Variants in DUSP22 observed in about 807,000 individuals in gnomAD.
DUSP22 encodes the protein dual specificity protein phosphatase 22.
In DUSP22, 24 loss-of-function variants were observed where a neutral mutation model predicts 24.5. That is an observed-to-expected ratio of 0.98 (90% CI 0.71 to 1.38). The LOEUF (loss-of-function observed/expected upper bound fraction) is 1.38, where lower values mean the gene tolerates loss of function less well. DUSP22 is among the 40% of genes most tolerant of loss of function. The probability of loss-of-function intolerance (pLI) is 0.00; values close to 1 mark genes in which losing one functional copy is unlikely to be tolerated. For synonymous variants in DUSP22, 160 were observed against 106.4 expected (o/e 1.50, Z -3.10); for missense variants, 330 against 269.2 (o/e 1.23, Z -1.58).
intron 1 of DUSP22, among the ~76,000 whole-genome samples, chr6:298,622 C>T (rs925413756): frequency 2.6e-5 from 4 of 152,308 alleles, no homozygotes; most frequent in East Asian, 1.9e-4. Flanking sequence ...CAGGAGGAAC[C>T]ATCAAGCGTG....
At chr6:334,878 G>T (rs188106828) in intron 3 of DUSP22, among the ~76,000 whole-genome samples, 1 of 152,302 alleles carries the variant, frequency 6.6e-6, no homozygotes. Flanking sequence ...TTTGAATTTT[G>T]CCTAAACCTA....
chr6:296,029 T>A (rs1757313473), intron 1 of DUSP22, among the ~76,000 whole-genome samples: 1 of 136,588 alleles, frequency 7.3e-6, no homozygotes, highest in South Asian at 2.2e-4. Flanking sequence ...TGAGCTGAGA[T>A]GCTAATTCAT....
In DUSP22 at chr6:314,318, G is replaced by T. The variant is rs139906172; in HGVS notation, c.138+2356G>T. Among the ~76,000 whole-genome samples, 502 of 152,250 alleles carry T rather than the reference G, an allele frequency of 3.3e-3. 1 individual carries two copies. Among genetic ancestry groups the T allele is most frequent in the Middle Eastern group, 6.9e-3 (2 of 290 alleles). On this transcript the variant is annotated intron_variant, in intron 3 of 6. Transcript: ENST00000419235. ...GCTTCTCTGGGCAGCCCCAGGCTGG[G>T]GCTTGGTAGGAAGTGGGAAGGTAGC...
At chr6:304,431 G>A (rs1451844915) in intron 1 of DUSP22, among the ~76,000 whole-genome samples, 197 bp from the exon 2 acceptor site, 1 of 152,304 alleles carries the variant, frequency 6.6e-6, no homozygotes, top group African/African-American at 2.4e-5. Context: ...CCTAAACCCA[G>A]CGAGTCGATG....
At chr6:334,127 G>A (rs1394716364) in intron 3 of DUSP22, among the ~76,000 whole-genome samples, 1 of 152,308 alleles carries the variant, frequency 6.6e-6, no homozygotes, top group Non-Finnish European at 1.5e-5. Flanking sequence ...AGAACCTGAG[G>A]TTGTCTGTGT....
chr6:295,364 C>A (rs557582804), intron 1 of DUSP22, among the ~76,000 whole-genome samples: 1 of 152,284 alleles, frequency 6.6e-6, no homozygotes, highest in Non-Finnish European at 1.5e-5. Context: ...CTTGTCGGTC[C>A]GTTCCGGGCT....
At chr6:308,293 C>G (rs1390725133) in intron 2 of DUSP22, among the ~76,000 whole-genome samples, 1 of 152,308 alleles carries the variant, frequency 6.6e-6, no homozygotes, top group Non-Finnish European at 1.5e-5. Flanking sequence ...GGAAACTCCA[C>G]CTTGAGCCTT....
At chr6:347,118 G>A (rs866497795) in intron 5 of DUSP22, among the ~76,000 whole-genome samples, 10 of 152,410 alleles carry the variant, frequency 6.6e-5, no homozygotes, top group East Asian at 5.8e-4. Flanking sequence ...CAATTAAAGC[G>A]GAATTCTGGA....
At chr6:299,272 A>G (rs62390172) in intron 1 of DUSP22, among the ~76,000 whole-genome samples, 2,075 of 151,784 alleles carry the variant, frequency 0.014, 2 homozygotes, top group Non-Finnish European at 0.021. Context: ...GTTGTTGCAG[A>G]TAAACACCTT....
At chr6:294,626 A>G (rs1757243381) in intron 1 of DUSP22, among the ~76,000 whole-genome samples, 1 of 152,292 alleles carries the variant, frequency 6.6e-6, no homozygotes, top group African/African-American at 2.4e-5. Context: ...TGTGAAAGGA[A>G]AAATCTCGGG....
chr6:294,809 G>C (rs1172342500), intron 1 of DUSP22, among the ~76,000 whole-genome samples: 2 of 152,294 alleles, frequency 1.3e-5, no homozygotes, highest in African/African-American at 2.4e-5. Flanking sequence ...CAAACACAAG[G>C]TAGGGAGGAG....
intron 3 of DUSP22, among the ~76,000 whole-genome samples, chr6:323,170 T>C (rs940576000): frequency 6.6e-6 from 1 of 152,304 alleles, no homozygotes; most frequent in Non-Finnish European, 1.5e-5. Flanking sequence ...ACAAGCTCTG[T>C]CCATGCTTTT....
chr6:339,574 A>G (rs913886703), intron 4 of DUSP22, among the ~76,000 whole-genome samples: 54 of 152,402 alleles, frequency 3.5e-4, no homozygotes, highest in East Asian at 7.7e-4. Flanking sequence ...TGTGAAGTCC[A>G]AGGGCATTTG....
chr6:344,949 C>T (rs1385412490), intron 4 of DUSP22, among the ~76,000 whole-genome samples: 1 of 152,310 alleles, frequency 6.6e-6, no homozygotes, highest in Non-Finnish European at 1.5e-5. Flanking sequence ...TCCTGCTGTG[C>T]TGCTGGGGCA....
intron 1 of DUSP22, among the ~76,000 whole-genome samples, chr6:302,565 A>G (rs376596047): frequency 0.012 from 1,759 of 151,740 alleles, no homozygotes; most frequent in African/African-American, 0.04. Context: ...TGAGCTGCTC[A>G]TGAGGGCAGG....
Position 349,710 on chromosome 6 carries a change from C to T in DUSP22, c.*759C>T. ...TTAAGGGAAGTATCTTAGATTGCCT[C>T]CATCTCAATGTGAATGCACCAGGCT... is the stretch of plus-strand genomic sequence containing the variant. On this transcript the variant is annotated 3_prime_UTR_variant, in exon 7 of 7. Coordinates refer to ENST00000419235, the MANE Select transcript of DUSP22 (RefSeq NM_001286555.3). 1 of 986,086 alleles carries T rather than the reference C, an allele frequency of 1.0e-6. No homozygotes were observed. The highest frequency in any genetic ancestry group is 1.2e-6 in the Non-Finnish European group (1 of 830,340). 61.1% of individuals were successfully genotyped at this position (986,086 alleles called of 1,614,324 possible). A position where few individuals can be genotyped will look rare whatever the true frequency, so the allele number is the denominator to read the frequency against.
chr6:351,001 C>T lies in DUSP22; in HGVS notation c.*2050C>T, dbSNP rs1304398521. 3.0e-5 allele frequency: 38 copies of T among 1,269,696 alleles called. No homozygotes were observed. In the South Asian group the frequency reaches 3.3e-4, roughly 11 times the overall value. 78.7% of individuals were successfully genotyped at this position (1,269,696 alleles called of 1,614,324 possible). A position where few individuals can be genotyped will look rare whatever the true frequency, so the allele number is the denominator to read the frequency against. On this transcript the variant is annotated 3_prime_UTR_variant, in exon 7 of 7. Transcript: ENST00000419235. The stretch of plus-strand genomic sequence containing the variant: ...TTTTTCATTTGAAGCTGAATATATA[C>T]GTAGTCATGTTTATGTTGAGAACTA...
chr6:299,129 C>G (rs1472693657), intron 1 of DUSP22, among the ~76,000 whole-genome samples: 3 of 152,310 alleles, frequency 2.0e-5, no homozygotes, highest in South Asian at 2.1e-4. Flanking sequence ...TGGGACATTC[C>G]CAAGTTGCCT....
chr6:342,304 C>A (rs1379417616), intron 4 of DUSP22, among the ~76,000 whole-genome samples: 1 of 152,292 alleles, frequency 6.6e-6, no homozygotes, highest in African/African-American at 2.4e-5. Flanking sequence ...CAGAAAGAGA[C>A]CCACACAGAA....
Sources: gnomAD v4.1 joint callset for allele counts (sites outside exome capture counted in the v4.1 genomes callset) on GRCh38, gnomAD v4.1.1 for gene constraint, MANE v1.5 for transcripts, NCBI Gene and HGNC (gene_info 2026-07-23, HGNC 2026-07-21) for gene names.